PHF8: variants seen among roughly 807,000 people sequenced by gnomAD.
The protein encoded by PHF8 is histone lysine demethylase PHF8.
Under a neutral mutation model 74.4 loss-of-function variants are expected in PHF8, and 9 were observed. That is an observed-to-expected ratio of 0.12 (90% CI 0.07 to 0.21). The LOEUF (loss-of-function observed/expected upper bound fraction) is 0.21, where lower values mean the gene tolerates loss of function less well. Ranked by LOEUF, PHF8 falls within the 10% of genes least tolerant of loss-of-function variation. The probability of loss-of-function intolerance (pLI) is 1.00; values close to 1 mark genes in which losing one functional copy is unlikely to be tolerated. For synonymous variants in PHF8, 311 were observed against 316.6 expected (o/e 0.98, Z 0.19); for missense variants, 478 against 816.6 (o/e 0.59, Z 5.05).
chrX:53,979,982 G>C (rs1266589946), intron 18 of PHF8, among the ~76,000 whole-genome samples: 3 of 111,283 alleles, frequency 2.7e-5, no homozygotes, highest in Admixed American at 9.6e-5. Context: ...GAGCGAGACT[G>C]TGTCTAAATA....
chrX:54,027,646 G>A (rs1245186666), intron 2 of PHF8, among the ~76,000 whole-genome samples: 2 of 110,612 alleles, frequency 1.8e-5, no homozygotes, highest in African/African-American at 6.6e-5. Context: ...CACCATTTTC[G>A]CCCTGCCAAC....
intron 16 of PHF8, among the ~76,000 whole-genome samples, chrX:53,986,377 G>T (rs2065566453): frequency 8.9e-6 from 1 of 112,322 alleles, no homozygotes; most frequent in Non-Finnish European, 1.9e-5. Context: ...AAGTAGCTGG[G>T]ACTACAGGGG....
At chrX:53,975,070 A>G (rs1557095658) in intron 18 of PHF8, among the ~76,000 whole-genome samples, 1 of 111,467 alleles carries the variant, frequency 9.0e-6, no homozygotes, top group African/African-American at 3.3e-5. Context: ...AAAAGTTGGA[A>G]AAAAAATGTC....
intron 18 of PHF8, among the ~76,000 whole-genome samples, chrX:53,983,426 G>A (rs1352326330): frequency 2.7e-5 from 3 of 111,346 alleles, no homozygotes; most frequent in African/African-American, 9.8e-5. Flanking sequence ...GAATAAAGAA[G>A]AGTCAATAAA....
chrX:53,942,481 A>G (rs1471477735), intron 20 of PHF8: 1 of 114,541 alleles, frequency 8.7e-6, no homozygotes, highest in Admixed American at 9.5e-5. Context: ...CCAACATGAA[A>G]TCTCCAATAC....
rs782401222 is a variant in PHF8 at position 54,031,355 on chromosome X, C to T, written c.99-8512G>A. Reference sequence around the variant, plus strand: ...CCCAAGGATCCAGGTCCAGACAGAGCACCATCTATAAAACCAGAAGCTGAA... The same window carrying T: ...CCCAAGGATCCAGGTCCAGACAGAGTACCATCTATAAAACCAGAAGCTGAA... On this transcript the variant is annotated intron_variant, in intron 2 of 21. Transcript: ENST00000338154. 4.5e-5 allele frequency among the ~76,000 whole-genome samples: 5 copies of T among 110,209 alleles called. No individual in the cohort carries two copies. In the South Asian group the frequency reaches 1.2e-3, roughly 26 times the overall value.
chrX:53,996,092 T>C (rs185559705), intron 11 of PHF8, among the ~76,000 whole-genome samples: 1,773 of 110,838 alleles, frequency 0.016, 16 homozygotes, highest in Non-Finnish European at 0.026. Context: ...CAACACAAAT[T>C]AGCAAACTTT....
At chrX:54,008,736 A>G (rs1241919012) in intron 8 of PHF8, among the ~76,000 whole-genome samples, 1 of 111,831 alleles carries the variant, frequency 8.9e-6, no homozygotes, top group African/African-American at 3.2e-5. Flanking sequence ...CTAGACACAA[A>G]AGACAACATA....
intron 2 of PHF8, among the ~76,000 whole-genome samples, chrX:54,038,420 G>T (rs1204863535): frequency 8.9e-6 from 1 of 112,143 alleles, no homozygotes; most frequent in Non-Finnish European, 1.9e-5. Flanking sequence ...GAAGGGGAAG[G>T]AATCAAGACA....
At chrX:53,972,097 G>A (rs1225446527) in intron 18 of PHF8, among the ~76,000 whole-genome samples, 1 of 110,440 alleles carries the variant, frequency 9.1e-6, no homozygotes, top group Non-Finnish European at 1.9e-5. Flanking sequence ...GGCCGAGGCA[G>A]GCAGACCACG....
At chrX:53,940,656 G>A (rs1453352888) in intron 20 of PHF8, 140 bp from the exon 21 acceptor site, 6 of 497,324 alleles carry the variant, frequency 1.2e-5, no homozygotes, top group African/African-American at 9.4e-5. Context: ...TAGCCTGGAT[G>A]TACACACAGC....
chrX:54,007,642 T>C (rs1219198653), intron 8 of PHF8, among the ~76,000 whole-genome samples: 1 of 112,221 alleles, frequency 8.9e-6, no homozygotes, highest in Non-Finnish European at 1.9e-5. Flanking sequence ...AATGAACATT[T>C]GGAAAGATGT....
intron 4 of PHF8, among the ~76,000 whole-genome samples, chrX:54,019,804 AAAAG>A (rs1481731799): frequency 2.5e-4 from 27 of 108,402 alleles, no homozygotes; most frequent in Non-Finnish European, 4.6e-4. Flanking sequence ...AAAAAAAAAA[AAAAG>A]AAAGAAAGAA....
In PHF8 at chrX:54,042,645, G is replaced by A; in HGVS notation, c.84C>T (p.Asp28=). The A allele has an allele frequency of 1.7e-6, 2 of 1,208,096 alleles. No homozygotes were observed. Among genetic ancestry groups the A allele is most frequent in the East Asian group, 3.0e-5 (1 of 33,708 alleles). The part of the protein sequence containing the change: ...RFMIECDMCQ[D]WFHGSCVGVE... ...GCCCTCCTTACCTGCCATGAAACCA[G>A]TCCTGGCACATGTCACACTCGATCA... Residue 28 remains aspartate, a synonymous_variant, in exon 2 of 22, where the codon GAC becomes GAT. Transcript: ENST00000338154.
chrX:54,015,840 CTG>C (rs1313358333), intron 6 of PHF8, among the ~76,000 whole-genome samples: 3 of 111,029 alleles, frequency 2.7e-5, no homozygotes, highest in Non-Finnish European at 5.7e-5. Flanking sequence ...TACGTATCTA[CTG>C]TGTGTGTGAG....
chrX:54,024,659 C>T (rs1474163301), intron 2 of PHF8, among the ~76,000 whole-genome samples: 1 of 111,797 alleles, frequency 8.9e-6, no homozygotes, highest in Non-Finnish European at 1.9e-5. Context: ...TTCTCTACAC[C>T]GGTGCCACTC....
intron 20 of PHF8, among the ~76,000 whole-genome samples, chrX:53,941,750 C>G (rs782450751): frequency 5.4e-4 from 60 of 111,922 alleles, no homozygotes; most frequent in Non-Finnish European, 5.3e-4. Context: ...GTCAACCACT[C>G]TTCTATAATT....
chrX:54,021,451 A>ATTTT (rs1305246180), intron 4 of PHF8, among the ~76,000 whole-genome samples: 4 of 80,497 alleles, frequency 5.0e-5, no homozygotes, highest in Non-Finnish European at 7.1e-5. Context: ...CAAAGTTGCA[A>ATTTT]TTATTTTTTT....
At chrX:54,046,908 C>T (rs1557117595), upstream of PHF8, among the ~76,000 whole-genome samples, 1 of 112,183 alleles carries the variant, frequency 8.9e-6, no homozygotes, top group Non-Finnish European at 1.9e-5. Context: ...TCCCCCAAAT[C>T]AACTTCCCCT....
Sources: allele counts gnomAD v4.1 joint callset (sites outside exome capture counted in the v4.1 genomes callset), GRCh38; gene constraint gnomAD v4.1.1; transcripts MANE v1.5; gene names NCBI Gene and HGNC (gene_info 2026-07-23, HGNC 2026-07-21).